The following BSDC1 variants were observed in gnomAD, a reference collection of about 807,000 sequenced individuals.
BSDC1 encodes the protein BSD domain containing 1, also known as BSD domain-containing protein 1.
BSDC1 carries 29 observed loss-of-function variants against 56.0 expected under a neutral mutation model. The ratio of observed to expected loss-of-function variants is 0.52; its 90% CI spans 0.39 to 0.71. BSDC1 has a LOEUF of 0.71. Ranked by LOEUF, BSDC1 falls within the 30% of genes least tolerant of loss-of-function variation. The pLI, the probability that BSDC1 is intolerant of heterozygous loss-of-function variation, is 0.00. For missense variants in BSDC1, 477 were observed against 548.5 expected (o/e 0.87, Z 1.30); for synonymous variants, 210 against 215.3 (o/e 0.98, Z 0.21).
intron 5 of BSDC1, among the ~76,000 whole-genome samples, chr1:32,380,916 T>A (rs901815807): frequency 6.6e-6 from 1 of 152,070 alleles, no homozygotes; most frequent in African/African-American, 2.4e-5. Context: ...TGGCAGGGGC[T>A]TAGCTAACAG....
chr1:32,377,429 G>A (rs999978969), intron 8 of BSDC1, among the ~76,000 whole-genome samples: 5 of 152,168 alleles, frequency 3.3e-5, no homozygotes, highest in African/African-American at 1.2e-4. Flanking sequence ...GGGTAATGGG[G>A]TTGTGGTAAG....
chr1:32,394,432 A>T lies in BSDC1; in HGVS notation c.-18T>A, dbSNP rs749183179. 3 of 1,613,984 alleles carry T rather than the reference A, an allele frequency of 1.9e-6. No homozygotes were observed. In the South Asian group the frequency reaches 3.3e-5, roughly 18 times the overall value. On this transcript the variant is annotated 5_prime_UTR_variant, in exon 1 of 11. Coordinates refer to ENST00000455895, the MANE Select transcript of BSDC1 (RefSeq NM_018045.8). ...TCCGCCATCTTGCCTGCATGACATC[A>T]CCACTATTTACTGACCTTTGACTTC...
intron 10 of BSDC1, 172 bp downstream of exon 10, chr1:32,368,275 G>A (rs545921418): frequency 4.4e-5 from 68 of 1,549,094 alleles, no homozygotes; most frequent in South Asian, 1.3e-4. Flanking sequence ...AGTGCAGCCT[G>A]CTGATGACCA....
In BSDC1 at chr1:32,381,211, C is replaced by T; in HGVS notation, c.412+3G>A. On this transcript the variant is annotated splice_donor_region_variant and intron_variant, in intron 5 of 10. Transcript: ENST00000455895. ...GCCCACCCGCTCAGTGCTACCCTCT[C>T]ACCATCTGGTTCATTACAGTAGGTT... 1 of 1,613,772 alleles carries T rather than the reference C, an allele frequency of 6.2e-7. No homozygotes were observed. The highest frequency in any genetic ancestry group is 1.1e-5 in the South Asian group (1 of 91,024).
At position 32,376,275 on chromosome 1, in the gene BSDC1, G is replaced by A. The variant is rs1275318766; in HGVS notation, c.1143C>T (p.Asn381=). The change falls in exon 9 of 11, where the codon AAC becomes AAT. Residue 381 remains asparagine (N), a synonymous_variant. Transcript: ENST00000455895. ...CTCCAGACCTACCTTTCTTTCCATT[G>A]TTGGAGGGTGTAGACTTCCCACTAT... The part of the protein sequence containing the change: ...NSDSGKSTPS[N]NGKKGSSTDI... The A allele has an allele frequency of 6.6e-7, 1 of 1,513,952 alleles. No individual in the cohort carries two copies. The highest frequency in any genetic ancestry group is 2.3e-5 in the East Asian group (1 of 43,698). 93.8% of individuals were successfully genotyped at this position (1,513,952 alleles called of 1,614,324 possible).
At chr1:32,387,404 C>T (rs1373526345) in intron 2 of BSDC1, among the ~76,000 whole-genome samples, 16 of 151,926 alleles carry the variant, frequency 1.1e-4, no homozygotes, top group African/African-American at 3.4e-4. Flanking sequence ...TGCAATGGCA[C>T]GATCTCGGCT....
rs533098082 is a variant in BSDC1, at chr1:32,365,113, G to A, written c.*1509C>T. On this transcript the variant is annotated 3_prime_UTR_variant, in exon 11 of 11. Transcript: ENST00000455895. ...AGACCCCCAGACACCTTTCAGCTTC[G>A]GGTGAATCACTTTAATGCTGTTAAC... 9 of 152,170 alleles carry A rather than the reference G, an allele frequency of 5.9e-5. No homozygotes were observed. The highest frequency in any genetic ancestry group is 3.2e-3 in the Middle Eastern group (1 of 314). The allele number at this position is 152,170 out of a possible 1,614,324, so 9.4% of individuals were successfully genotyped here. A position where few individuals can be genotyped will look rare whatever the true frequency, so the allele number is the denominator to read the frequency against.
chr1:32,377,905 A>T, intron 8 of BSDC1, 65 bp downstream of exon 8: 1 of 1,486,350 alleles, frequency 6.7e-7, no homozygotes, highest in East Asian at 2.3e-5. Context: ...TTCAGAGAGC[A>T]TGGCCCAGCC....
chr1:32,381,336 G>A, intron 4 of BSDC1, 68 bp from the exon 5 acceptor site: 1 of 1,464,248 alleles, frequency 6.8e-7, no homozygotes, highest in Non-Finnish European at 9.5e-7. Flanking sequence ...CCCTTTCTCT[G>A]CCAGGATACT....
intron 2 of BSDC1, among the ~76,000 whole-genome samples, chr1:32,390,490 A>G (rs1240407417): frequency 6.6e-6 from 1 of 152,232 alleles, no homozygotes; most frequent in Non-Finnish European, 1.5e-5. Flanking sequence ...CAGTACTGCC[A>G]GCTAAGTGAG....
intron 9 of BSDC1, among the ~76,000 whole-genome samples, chr1:32,372,035 A>C (rs916418406): frequency 2.6e-5 from 4 of 152,216 alleles, no homozygotes; most frequent in African/African-American, 9.6e-5. Context: ...ATAAGCAGGT[A>C]CCTGTGTGTT....
rs1266432431 is a variant in BSDC1, at chr1:32,394,071, C to G, written c.72+9G>C. 6.2e-7 allele frequency: 1 copy of G among 1,606,740 alleles called. No homozygotes were observed. The highest frequency in any genetic ancestry group is 8.5e-7 in the Non-Finnish European group (1 of 1,177,064). On this transcript the variant is annotated intron_variant, in intron 2 of 10. Transcript: ENST00000455895. ...CTGCTGAGGGAAGAAGGGCACGGGC[C>G]CGGCTTACCTTCTCTTTGACTGCTT...
chr1:32,376,548 G>T lies in BSDC1; in HGVS notation c.870C>A (p.Ala290=). 3 of 1,555,394 alleles carry T rather than the reference G, an allele frequency of 1.9e-6. No homozygotes were observed. ...GTGCCTCAGGTGCAGTGGCCGGGTTGGCGATCTGTGTCACGAGGGAGATGC... is the reference window on the plus strand; with the variant it reads ...GTGCCTCAGGTGCAGTGGCCGGGTTTGCGATCTGTGTCACGAGGGAGATGC... ...SESISLVTQI[A]NPATAPEARV... The change falls in exon 9 of 11, where the codon GCC becomes GCA. Residue 290 remains alanine (A), a synonymous_variant. Coordinates refer to ENST00000455895, the MANE Select transcript of BSDC1 (RefSeq NM_018045.8).
In BSDC1 at chr1:32,376,171, T is replaced by C. The variant is rs1302133893; in HGVS notation, c.1156+91A>G. On this transcript the variant is annotated intron_variant, in intron 9 of 10. Transcript: ENST00000455895. ...TCAGAAACGAAAAAAAATCTGCTCA[T>C]AGTATCCTAACAAGGGACAAGGAGA... 9 of 1,338,860 alleles carry C rather than the reference T, an allele frequency of 6.7e-6. No homozygotes were observed. In the East Asian group the frequency reaches 7.4e-5, roughly 11 times the overall value. The allele number at this position is 1,338,860 out of a possible 1,614,324, so 82.9% of individuals were successfully genotyped here. A position where few individuals can be genotyped will look rare whatever the true frequency, so the allele number is the denominator to read the frequency against.
intron 2 of BSDC1, among the ~76,000 whole-genome samples, chr1:32,390,048 A>G (rs1370465759): frequency 6.6e-6 from 1 of 152,138 alleles, no homozygotes. Flanking sequence ...CAAGCATTAC[A>G]GTCCTGATGG....
chr1:32,374,334 G>A (rs767798277), intron 9 of BSDC1, among the ~76,000 whole-genome samples: 1 of 152,178 alleles, frequency 6.6e-6, no homozygotes, highest in Non-Finnish European at 1.5e-5. Flanking sequence ...GTTTATGGAG[G>A]AGCAAACAAA....
At chr1:32,381,772 G>A (rs1193401409) in intron 4 of BSDC1, among the ~76,000 whole-genome samples, 1 of 152,208 alleles carries the variant, frequency 6.6e-6, no homozygotes, top group African/African-American at 2.4e-5. Flanking sequence ...CAGTATTGCA[G>A]GAAGCATGGG....
intron 9 of BSDC1, among the ~76,000 whole-genome samples, chr1:32,370,535 G>A (rs1642037548): frequency 6.6e-6 from 1 of 151,800 alleles, no homozygotes; most frequent in African/African-American, 2.4e-5. Context: ...CGGGCGTGGT[G>A]GCTCACGCTT....
rs748193444 is a variant in BSDC1 at position 32,381,194 on chromosome 1, G to T, written c.412+20C>A. On this transcript the variant is annotated intron_variant, in intron 5 of 10. Coordinates refer to ENST00000455895, the MANE Select transcript of BSDC1 (RefSeq NM_018045.8). ...GTCTACTTGCCCTACAAGCCCACCC[G>T]CTCAGTGCTACCCTCTCACCATCTG... 1 of 1,613,056 alleles carries T rather than the reference G, an allele frequency of 6.2e-7. No individual in the cohort carries two copies. The highest frequency in any genetic ancestry group is 1.3e-5 in the African/African-American group (1 of 74,872).
Sources: allele counts gnomAD v4.1 joint callset (sites outside exome capture counted in the v4.1 genomes callset), GRCh38; gene constraint gnomAD v4.1.1; transcripts MANE v1.5; gene names NCBI Gene and HGNC (gene_info 2026-07-23, HGNC 2026-07-21).